Variants in TTC31 observed in about 807,000 individuals in gnomAD.
TTC31 encodes tetratricopeptide repeat protein 31.
A neutral mutation model predicts 60.4 loss-of-function variants in TTC31; 59 were observed. That is an observed-to-expected ratio of 0.98 (90% confidence interval 0.79 to 1.21). TTC31 has a LOEUF of 1.21. Among genes scored for constraint, TTC31 ranks in the 50% most tolerant of loss-of-function variants. The probability of loss-of-function intolerance (pLI) is 0.00; values close to 1 mark genes in which losing one functional copy is unlikely to be tolerated. For missense variants in TTC31, 672 were observed against 646.9 expected, an observed-to-expected ratio of 1.04 and a Z score of -0.42; for synonymous variants, 225 against 249.6, an observed-to-expected ratio of 0.90 and a Z score of 0.93.
rs1047620646 is a variant in TTC31, at chr2:74,487,507, T to G, written c.130-2518T>G. On this transcript the variant is annotated intron_variant, in intron 2 of 12. Transcript: ENST00000233623. ...TGCTGGGATTACAGGTGTGAGCCAC[T>G]GCACCCGGCTTTTTATTTTTTTAAA... 5.9e-5 allele frequency among the ~76,000 whole-genome samples: 9 copies of G among 151,732 alleles called. No individual in the cohort carries two copies. In the South Asian group the frequency reaches 6.2e-4, roughly 11 times the overall value.
intron 2 of TTC31, among the ~76,000 whole-genome samples, chr2:74,489,204 T>G (rs1673518233): frequency 6.6e-6 from 1 of 152,214 alleles, no homozygotes; most frequent in Admixed American, 6.5e-5. Context: ...GGTTGCAGGT[T>G]AGTTGGAGGA....
chr2:74,484,874 T>C (rs909024980), intron 2 of TTC31, among the ~76,000 whole-genome samples: 1 of 152,156 alleles, frequency 6.6e-6, no homozygotes, highest in Admixed American at 6.5e-5. Context: ...GTTAAATTAA[T>C]TTATCATGTT....
In TTC31 at chr2:74,490,224, C is replaced by T; in HGVS notation, c.233-20C>T. The T allele has an allele frequency of 3.1e-6, 5 of 1,612,324 alleles. No individual in the cohort carries two copies. The highest frequency in any genetic ancestry group is 1.7e-6 in the Non-Finnish European group (2 of 1,178,554). On this transcript the variant is annotated intron_variant, in intron 3 of 12. Transcript: ENST00000233623. ...CGCTCTCATGTCCTTTCTTTCCTGT[C>T]TCTTTCTCCCTCCTGACAGATTACC...
Position 74,493,177 on chromosome 2 carries a change from A to G in TTC31, c.1519A>G (p.Ile507Val). The G allele has an allele frequency of 6.2e-7, 1 of 1,614,178 alleles. No individual in the cohort carries two copies. Among genetic ancestry groups the G allele is most frequent in the South Asian group, 1.1e-5 (1 of 91,082 alleles). The stretch of plus-strand genomic sequence containing the variant: ...CCAGGACCCTTCAAAGGGCTGGGAC[A>G]TCCTGGGACTTGGGCTCCAGCATCT... ...KPQDPSKGWD[I>V]LGLGLQHLSQ... Residue 507 changes from isoleucine (I) to valine (V), a missense_variant, in exon 13 of 13, where the codon ATC becomes GTC. Transcript: ENST00000233623.
chr2:74,483,326 C>G lies in TTC31; in HGVS notation c.45C>G (p.Cys15Trp). 1.2e-6 allele frequency: 2 copies of G among 1,614,166 alleles called. No individual in the cohort carries two copies. The highest frequency in any genetic ancestry group is 1.7e-6 in the Non-Finnish European group (2 of 1,180,050). The change falls in exon 2 of 13, where the codon TGC becomes TGG. Residue 15 changes from cysteine to tryptophan, a missense_variant. Coordinates refer to ENST00000233623, the MANE Select transcript of TTC31 (RefSeq NM_022492.6). ...CTCCGCCTTCCTTTCCTGTAGACTG[C>G]TCTCTACGGCCCAGCTGCCCACTGG... Reference protein sequence around the residue: ...PKTVGRIKLDCSLRPSCPLEV... With the variant: ...PKTVGRIKLDWSLRPSCPLEV...
Position 74,483,333 on chromosome 2 carries a change from CG to C in TTC31, c.54del (p.Ser20AlafsTer26). 6.2e-7 allele frequency: 1 copy of C among 1,614,178 alleles called. No individual in the cohort carries two copies. Among genetic ancestry groups the C allele is most frequent in the Non-Finnish European group, 8.5e-7 (1 of 1,180,036 alleles). Reference protein sequence around the residue: ...VGRIKLDCSLRPSCPLEVAAA... With the variant: ...VGRIKLDCSLXPSCPLEVAAA... ...TTCCTTTCCTGTAGACTGCTCTCTA[CG>C]GCCCAGCTGCCCACTGGAGGTCGCT... is the stretch of plus-strand genomic sequence containing the variant. On this transcript the variant is annotated frameshift_variant, in exon 2 of 13. Transcript: ENST00000233623. LOFTEE classifies it high-confidence loss of function.
chr2:74,490,825 C>A, intron 5 of TTC31, 86 bp downstream of exon 5: 1 of 1,375,166 alleles, frequency 7.3e-7, no homozygotes, highest in Non-Finnish European at 1.0e-6. Flanking sequence ...CAGGAGAGAG[C>A]TCAAGATGGC....
In TTC31 at chr2:74,492,042, C is replaced by G; in HGVS notation, c.915C>G (p.Ser305Arg). The G allele has an allele frequency of 6.2e-7, 1 of 1,614,222 alleles. No individual in the cohort carries two copies. The highest frequency in any genetic ancestry group is 8.5e-7 in the Non-Finnish European group (1 of 1,180,036). ...TGCTGGCAGCTGCCTTACAACAGAG[C>G]CAGGAACTGGCAAGTGAGATCCTTT... ...PGLLAAALQQSQELAKLGTSF... is the reference protein window; with the variant it reads ...PGLLAAALQQRQELAKLGTSF... Residue 305 changes from serine (S) to arginine (R), a missense_variant, in exon 9 of 13, where the codon AGC becomes AGG. By Grantham distance (110) the Ser-to-Arg change is moderately radical (BLOSUM62 -1). Transcript: ENST00000233623.
rs139717044 is a variant in TTC31, at chr2:74,493,588, T to C, written c.*370T>C. 55 of 188,338 alleles carry C rather than the reference T, an allele frequency of 2.9e-4. No individual in the cohort carries two copies. The highest frequency in any genetic ancestry group is 1.2e-3 in the African/African-American group (53 of 42,536). The allele number at this position is 188,338 out of a possible 1,614,324, so 11.7% of individuals were successfully genotyped here. A position where few individuals can be genotyped will look rare whatever the true frequency, so the allele number is the denominator to read the frequency against. On this transcript the variant is annotated 3_prime_UTR_variant, in exon 13 of 13. Transcript: ENST00000233623. ...CTCATTCACCAACTAGAGCTTGGTG[T>C]ACAGGAACGGGGTCACAGTGCTGAG... is the stretch of plus-strand genomic sequence containing the variant.
At position 74,483,596 on chromosome 2, in the gene TTC31, C is replaced by G. The variant is rs1672709578; in HGVS notation, c.129+186C>G. 10 of 1,459,428 alleles carry G rather than the reference C, an allele frequency of 6.9e-6. No individual in the cohort carries two copies. The South Asian group carries it at 1.2e-4, about 18-fold the overall frequency. 90.4% of individuals were successfully genotyped at this position (1,459,428 alleles called of 1,614,324 possible). A position where few individuals can be genotyped will look rare whatever the true frequency, so the allele number is the denominator to read the frequency against. Reference sequence around the variant, plus strand: ...AGGGGCAGGGGATCAGGAGGATGATCCTGATGTAACAGATGCTCGAAGTGG... The same window carrying G: ...AGGGGCAGGGGATCAGGAGGATGATGCTGATGTAACAGATGCTCGAAGTGG... On this transcript the variant is annotated intron_variant, in intron 2 of 12. Transcript: ENST00000233623.
chr2:74,491,586 G>A lies in TTC31; in HGVS notation c.790G>A (p.Gly264Ser). Residue 264 changes from glycine (G) to serine (S), a missense_variant, in exon 8 of 13, where the codon GGC becomes AGC. Transcript: ENST00000233623. ...GAAGGGACTGAACCAGGAGCCCCAAGGCAGGGGTCTGGCCCTCCAGAAGAT... is the reference window on the plus strand; with the variant it reads ...GAAGGGACTGAACCAGGAGCCCCAAAGCAGGGGTCTGGCCCTCCAGAAGAT... ...REKGLNQEPQ[G>S]RGLALQKMGQ... The A allele has an allele frequency of 1.9e-6, 3 of 1,614,242 alleles. No homozygotes were observed. Among genetic ancestry groups the A allele is most frequent in the Non-Finnish European group, 2.5e-6 (3 of 1,180,046 alleles).
intron 2 of TTC31, among the ~76,000 whole-genome samples, chr2:74,487,960 G>A (rs905389539): frequency 7.2e-5 from 11 of 151,934 alleles, no homozygotes; most frequent in South Asian, 2.1e-4. Context: ...GATTACAGGC[G>A]TGAGCCACCA....
intron 11 of TTC31, 54 bp from the exon 12 acceptor site, chr2:74,492,592 C>T (rs996262872): frequency 8.1e-6 from 13 of 1,601,132 alleles, no homozygotes; most frequent in Non-Finnish European, 5.1e-6. Flanking sequence ...AGAAAGGGTA[C>T]TTTTAAGCAC....
intron 2 of TTC31, among the ~76,000 whole-genome samples, chr2:74,488,994 T>A (rs1673497125): frequency 6.6e-6 from 1 of 152,096 alleles, no homozygotes; most frequent in South Asian, 2.1e-4. Flanking sequence ...AGGCAGAGGT[T>A]GCAGTGAGTT....
intron 2 of TTC31, among the ~76,000 whole-genome samples, chr2:74,486,887 C>T (rs1219529066): frequency 6.7e-6 from 1 of 149,988 alleles, no homozygotes; most frequent in East Asian, 1.9e-4. Context: ...GGGCGAAACT[C>T]CACCTCAAAA....
At chr2:74,483,471 A>C in intron 2 of TTC31, 61 bp downstream of exon 2, 1 of 1,612,132 alleles carries the variant, frequency 6.2e-7, no homozygotes, top group East Asian at 2.2e-5. Context: ...CTTTGAAGTC[A>C]GCTGTGCAGA....
At chr2:74,483,268 T>G (rs1672649795) in intron 1 of TTC31, 54 bp from the exon 2 acceptor site, 2 of 1,613,152 alleles carry the variant, frequency 1.2e-6, no homozygotes, top group African/African-American at 1.3e-5. Context: ...TGGGGAGGAC[T>G]CTAGCCCATC....
In TTC31 at chr2:74,492,691, G is replaced by A. The variant is rs1479675372; in HGVS notation, c.1207G>A (p.Gly403Arg). Residue 403 changes from glycine (G) to arginine (R), a missense_variant, in exon 12 of 13, where the codon GGG (glycine) becomes AGG (arginine). By Grantham distance (125) the Gly-to-Arg change is moderately radical (BLOSUM62 -2). Transcript: ENST00000233623. ...TGTGTTTCAGGAAACTCTGAGAGGT[G>A]GGTCCCAGCCTGACGCAGCCCGAGA... ...AAVFQETLRG[G>R]SQPDAARELR... 6.2e-7 allele frequency: 1 copy of A among 1,614,054 alleles called. No individual in the cohort carries two copies. The highest frequency in any genetic ancestry group is 1.3e-5 in the African/African-American group (1 of 74,914).
intron 2 of TTC31, among the ~76,000 whole-genome samples, chr2:74,485,826 A>G (rs1376043009): frequency 6.7e-6 from 1 of 149,608 alleles, no homozygotes; most frequent in African/African-American, 2.5e-5. Flanking sequence ...CTGATCTCAA[A>G]CTCCAGACCT....
Sources: gnomAD v4.1 joint callset for allele counts (sites outside exome capture counted in the v4.1 genomes callset) on GRCh38, gnomAD v4.1.1 for gene constraint, MANE v1.5 for transcripts, NCBI Gene and HGNC (gene_info 2026-07-23, HGNC 2026-07-21) for gene names.